TPO: variants seen among roughly 807,000 people sequenced by gnomAD.
The protein encoded by TPO is thyroid microsomal antigen.
TPO carries 78 observed loss-of-function variants against 96.9 expected under a neutral mutation model. That is an observed-to-expected ratio of 0.81 (90% CI 0.67 to 0.97). TPO has a LOEUF of 0.97. Ranked by LOEUF, TPO falls within the 50% of genes least tolerant of loss-of-function variation. The probability of loss-of-function intolerance (pLI) is 0.00; values close to 1 mark genes in which losing one functional copy is unlikely to be tolerated. For missense variants in TPO, 1,252 were observed against 1,274.8 expected (o/e 0.98, Z 0.27); for synonymous variants, 547 against 538.0 (o/e 1.02, Z -0.23).
At chr2:1,524,163 ACTGTGTGCAACCTCCTCAAATCCCCATC>A (rs549715253) in intron 15 of TPO, among the ~76,000 whole-genome samples, 25 of 117,000 alleles carry the variant, frequency 2.1e-4, no homozygotes, top group East Asian at 8.4e-4. Flanking sequence ...AATCCCCCAA[ACTGTGTGCAACCTCCTCAAATCCCCATC>A]CTGTGTGCAA....
At chr2:1,435,717 T>A (rs1210901855) in intron 4 of TPO, among the ~76,000 whole-genome samples, 1 of 152,218 alleles carries the variant, frequency 6.6e-6, no homozygotes, top group East Asian at 1.9e-4. Flanking sequence ...TCGTCTCATC[T>A]GGAAAGATTT....
chr2:1,443,504 G>A (rs552932503), intron 5 of TPO, among the ~76,000 whole-genome samples: 9 of 150,008 alleles, frequency 6.0e-5, no homozygotes, highest in Middle Eastern at 3.5e-3. Context: ...GAATGGGGCC[G>A]GGGCCTTCTT....
chr2:1,485,164 C>T (rs975707541), intron 9 of TPO, among the ~76,000 whole-genome samples: 1 of 147,994 alleles, frequency 6.8e-6, no homozygotes, highest in Non-Finnish European at 1.5e-5. Context: ...GTTTGGTTTT[C>T]TGTCCTTGCG....
At chr2:1,489,157 A>G (rs1039743891) in intron 10 of TPO, among the ~76,000 whole-genome samples, 7 of 142,568 alleles carry the variant, frequency 4.9e-5, no homozygotes, top group African/African-American at 1.1e-4. Flanking sequence ...CCCAGCACAT[A>G]CCCAGCACAC....
At chr2:1,491,296 C>T (rs886362230) in intron 10 of TPO, among the ~76,000 whole-genome samples, 8 of 152,218 alleles carry the variant, frequency 5.3e-5, no homozygotes, top group Admixed American at 1.3e-4. Flanking sequence ...TGAGCTTCAG[C>T]CTCCATGTCT....
rs958840206 is a variant in TPO, at chr2:1,478,458, G to A, written c.1338+854G>A. The A allele has an allele frequency of 2.8e-5, 27 of 954,098 alleles. No individual in the cohort carries two copies. The African/African-American group carries it at 4.6e-4, about 16-fold the overall frequency. 59.1% of individuals were successfully genotyped at this position (954,098 alleles called of 1,614,324 possible). Reference sequence around the variant, plus strand: ...AGGCACTGGAGCCTTGTCCGAGGAGGCACAGGGGCTGTGTGTGGCACCGGC... The same window carrying A: ...AGGCACTGGAGCCTTGTCCGAGGAGACACAGGGGCTGTGTGTGGCACCGGC... On this transcript the variant is annotated intron_variant, in intron 8 of 16. Transcript: ENST00000329066.
intron 13 of TPO, chr2:1,503,745 TG>T: frequency 1.1e-6 from 1 of 909,904 alleles, no homozygotes; most frequent in Non-Finnish European, 1.8e-6. Flanking sequence ...TCAGAGCCCG[TG>T]GCCAGCGCAC....
At chr2:1,538,178 C>T (rs77198231) in intron 15 of TPO, among the ~76,000 whole-genome samples, 15,939 of 150,624 alleles carry the variant, frequency 0.11, 1,125 homozygotes, top group Non-Finnish European at 0.16. Context: ...TCAAATCCCC[C>T]CTGCAGGGAG....
chr2:1,460,758 G>T (rs11674407), intron 7 of TPO, among the ~76,000 whole-genome samples: 1 of 152,166 alleles, frequency 6.6e-6, no homozygotes, highest in Admixed American at 6.5e-5. Context: ...AGCAGGGAGG[G>T]AGCACGTTGG....
At chr2:1,438,314 C>T (rs547987246) in intron 5 of TPO, among the ~76,000 whole-genome samples, 129 of 152,188 alleles carry the variant, frequency 8.5e-4, no homozygotes, top group Admixed American at 1.4e-3. Flanking sequence ...TAAGAATCAG[C>T]GAGTCATACT....
chr2:1,540,424 A>AAATAATATATCAGATTATGAAAAAT (rs28915675), intron 15 of TPO, among the ~76,000 whole-genome samples, 170 bp from the exon 16 acceptor site: 1 of 151,792 alleles, frequency 6.6e-6, no homozygotes, highest in African/African-American at 2.4e-5. Context: ...ATTTTTTCCA[A>AAATAATATATCAGATTATGAAAAAT]AATATATCAG....
At chr2:1,483,036 C>A (rs974306146) in intron 8 of TPO, among the ~76,000 whole-genome samples, 1 of 152,214 alleles carries the variant, frequency 6.6e-6, no homozygotes, top group Non-Finnish European at 1.5e-5. Context: ...TCTGCCCAAC[C>A]TCGACGGCTC....
chr2:1,505,378 A>G (rs1362586917), intron 14 of TPO, among the ~76,000 whole-genome samples: 2 of 73,960 alleles, frequency 2.7e-5, no homozygotes, highest in Admixed American at 1.8e-4. Context: ...CGTGTCAGGC[A>G]CACCCCACCA....
chr2:1,384,861 CTGT>C (rs1221126064), intron 1 of TPO, among the ~76,000 whole-genome samples: 2 of 152,080 alleles, frequency 1.3e-5, no homozygotes, highest in African/African-American at 2.4e-5. Context: ...TCATAAATAG[CTGT>C]TATTATTTTT....
At chr2:1,397,226 C>T (rs1480846336) in intron 1 of TPO, among the ~76,000 whole-genome samples, 2 of 152,196 alleles carry the variant, frequency 1.3e-5, no homozygotes, top group South Asian at 2.1e-4. Flanking sequence ...ATATTTGCCA[C>T]AGTATCTTGT....
intron 4 of TPO, among the ~76,000 whole-genome samples, chr2:1,434,119 A>G (rs1392473919): frequency 6.6e-6 from 1 of 152,178 alleles, no homozygotes; most frequent in Non-Finnish European, 1.5e-5. Flanking sequence ...CTATCAGAAG[A>G]CCAGTGCATA....
chr2:1,406,319 T>C (rs1662249995), intron 1 of TPO, among the ~76,000 whole-genome samples: 1 of 152,260 alleles, frequency 6.6e-6, no homozygotes, highest in Admixed American at 6.5e-5. Context: ...GATTGAAGTA[T>C]TGGGCTTAAA....
intron 8 of TPO, among the ~76,000 whole-genome samples, chr2:1,483,838 C>G (rs1267280357): frequency 6.6e-6 from 1 of 152,174 alleles, no homozygotes; most frequent in Non-Finnish European, 1.5e-5. Context: ...AAATTACGTG[C>G]TTAGGAAATG....
chr2:1,447,944 A>C (rs567277466), intron 5 of TPO, among the ~76,000 whole-genome samples: 1 of 152,330 alleles, frequency 6.6e-6, no homozygotes, highest in Non-Finnish European at 1.5e-5. Context: ...AAGCCTACTG[A>C]GAAAAAGACA....
Sources: allele counts gnomAD v4.1 joint callset (sites outside exome capture counted in the v4.1 genomes callset), GRCh38; gene constraint gnomAD v4.1.1; transcripts MANE v1.5; gene names NCBI Gene and HGNC (gene_info 2026-07-23, HGNC 2026-07-21).